The following LYPD6 variants were observed in gnomAD, a reference collection of about 807,000 sequenced individuals.
The protein encoded by LYPD6 is ly6/PLAUR domain-containing protein 6.
A neutral mutation model predicts 22.7 loss-of-function variants in LYPD6; 15 were observed. That is an observed-to-expected ratio of 0.66 (90% CI 0.44 to 1.02). The LOEUF (loss-of-function observed/expected upper bound fraction) is 1.02, where lower values mean the gene tolerates loss of function less well. Among genes scored for constraint, LYPD6 ranks in the 50% least tolerant of loss-of-function variants. The pLI is 0.00. For synonymous variants in LYPD6, 72 were observed against 77.5 expected, an observed-to-expected ratio of 0.93 and a Z score of 0.37; for missense variants, 189 against 208.4, an observed-to-expected ratio of 0.91 and a Z score of 0.57.
chr2:149,400,538 CAT>C (rs915248441), intron 1 of LYPD6, among the ~76,000 whole-genome samples: 3 of 152,160 alleles, frequency 2.0e-5, no homozygotes, highest in East Asian at 1.9e-4. Context: ...ATTATATAGT[CAT>C]GTGAACTTTT....
chr2:149,408,538 C>T lies in LYPD6; in HGVS notation c.-71-29100C>T, dbSNP rs1383849814. Among the ~76,000 whole-genome samples, 9 of 152,124 alleles carry T rather than the reference C, an allele frequency of 5.9e-5. No homozygotes were observed. In the East Asian group the frequency reaches 7.7e-4, roughly 13 times the overall value. On this transcript the variant is annotated intron_variant, in intron 1 of 4. Transcript: ENST00000334166. ...TTAGACTTCTCTTCTTCCTTGGGAACGCCTATTACTCTTAGAGTTGGACAT... is the reference window on the plus strand; with the variant it reads ...TTAGACTTCTCTTCTTCCTTGGGAATGCCTATTACTCTTAGAGTTGGACAT...
At chr2:149,411,050 G>C (rs1030510467) in intron 1 of LYPD6, among the ~76,000 whole-genome samples, 2 of 152,180 alleles carry the variant, frequency 1.3e-5, no homozygotes, top group Non-Finnish European at 2.9e-5. Context: ...ACAGTGGAAT[G>C]GTTGGTCTAA....
chr2:149,339,449 A>G (rs1017373460), intron 1 of LYPD6, among the ~76,000 whole-genome samples: 1 of 152,152 alleles, frequency 6.6e-6, no homozygotes, highest in Admixed American at 6.5e-5. Context: ...GCCCTCAGGG[A>G]AGCCCCAAGC....
intron 1 of LYPD6, among the ~76,000 whole-genome samples, chr2:149,360,418 A>G (rs1681549711): frequency 6.6e-6 from 1 of 152,164 alleles, no homozygotes; most frequent in African/African-American, 2.4e-5. Context: ...CTGTGGTTCA[A>G]ATGCCTCTGA....
intron 1 of LYPD6, among the ~76,000 whole-genome samples, chr2:149,407,368 A>C (rs1682740582): frequency 2.0e-5 from 3 of 152,184 alleles, no homozygotes; most frequent in Admixed American, 2.0e-4. Flanking sequence ...TTTCAGGTAT[A>C]CCAATCAGAC....
At chr2:149,458,070 C>A (rs1047441048) in intron 3 of LYPD6, among the ~76,000 whole-genome samples, 5 of 152,218 alleles carry the variant, frequency 3.3e-5, no homozygotes, top group African/African-American at 1.2e-4. Context: ...CAGCAAAACA[C>A]TATGGAAAAA....
chr2:149,447,198 C>A (rs1194328002), intron 2 of LYPD6, among the ~76,000 whole-genome samples: 1 of 152,164 alleles, frequency 6.6e-6, no homozygotes, highest in Admixed American at 6.5e-5. Flanking sequence ...GTAGTAAGGA[C>A]AAAGAACAGC....
chr2:149,386,008 C>CA (rs930182829), intron 1 of LYPD6, among the ~76,000 whole-genome samples: 1 of 152,090 alleles, frequency 6.6e-6, no homozygotes, highest in African/African-American at 2.4e-5. Flanking sequence ...GAATCCCCCC[C>CA]CAAGACCTGT....
chr2:149,337,916 G>C (rs554866484), intron 1 of LYPD6, among the ~76,000 whole-genome samples: 6 of 152,152 alleles, frequency 3.9e-5, no homozygotes, highest in Non-Finnish European at 8.8e-5. Flanking sequence ...AGTTCACTTA[G>C]GATAATGGCC....
At chr2:149,411,233 C>T (rs151033987) in intron 1 of LYPD6, among the ~76,000 whole-genome samples, 5 of 152,196 alleles carry the variant, frequency 3.3e-5, no homozygotes, top group East Asian at 1.9e-4. Context: ...CTGGCTAAGC[C>T]GTAAAATCAA....
Position 149,473,719 on chromosome 2 carries a change from T to C in LYPD6, c.*2869T>C, listed in dbSNP as rs1681396528. 6.6e-6 allele frequency: 1 copy of C among 152,218 alleles called. No individual in the cohort carries two copies. The highest frequency in any genetic ancestry group is 1.5e-5 in the Non-Finnish European group (1 of 68,052). 9.4% of individuals were successfully genotyped at this position (152,218 alleles called of 1,614,324 possible). ...CACTGGGCTTAGCACCACAGGGAACTTCCTTCCAGAGGCTTGCTTTCTAGT... is the reference window on the plus strand; with the variant it reads ...CACTGGGCTTAGCACCACAGGGAACCTCCTTCCAGAGGCTTGCTTTCTAGT... On this transcript the variant is annotated 3_prime_UTR_variant, in exon 5 of 5. Transcript: ENST00000334166.
intron 1 of LYPD6, among the ~76,000 whole-genome samples, chr2:149,388,700 A>G (rs1213865592): frequency 2.6e-5 from 4 of 152,142 alleles, no homozygotes; most frequent in African/African-American, 9.7e-5. Context: ...TCTTTTTTAC[A>G]AGATGATTAG....
intron 3 of LYPD6, among the ~76,000 whole-genome samples, chr2:149,462,117 G>A (rs1476161513): frequency 1.4e-5 from 2 of 141,036 alleles, no homozygotes; most frequent in Admixed American, 7.5e-5. Flanking sequence ...CTTTTTCACA[G>A]ACAACATGAT....
intron 1 of LYPD6, among the ~76,000 whole-genome samples, chr2:149,427,934 C>A (rs964210985): frequency 3.3e-5 from 5 of 152,218 alleles, no homozygotes; most frequent in African/African-American, 1.2e-4. Context: ...CAAATTGGGG[C>A]AAGACAGCTT....
At chr2:149,341,250 G>C (rs1681155148) in intron 1 of LYPD6, among the ~76,000 whole-genome samples, 1 of 152,054 alleles carries the variant, frequency 6.6e-6, no homozygotes, top group South Asian at 2.1e-4. Flanking sequence ...GTGTGTCCTT[G>C]GTCAGGGGTG....
rs201768735 is a variant in LYPD6 at position 149,401,246 on chromosome 2, A to G, written c.-71-36392A>G. Among the ~76,000 whole-genome samples the G allele has an allele frequency of 2.6e-5, 4 of 152,076 alleles. No homozygotes were observed. The East Asian group carries it at 7.7e-4, about 29-fold the overall frequency. On this transcript the variant is annotated intron_variant, in intron 1 of 4. Transcript: ENST00000334166. ...ATCCAGTGGTTTCCACTTACATCTCATTGGTCAGGAATGCACCACATGACC... is the reference window on the plus strand; with the variant it reads ...ATCCAGTGGTTTCCACTTACATCTCGTTGGTCAGGAATGCACCACATGACC...
intron 2 of LYPD6, among the ~76,000 whole-genome samples, chr2:149,448,228 G>C (rs565394255): frequency 2.0e-5 from 3 of 152,188 alleles, no homozygotes; most frequent in East Asian, 3.9e-4. Context: ...AGGAGATGGA[G>C]GTTGCCATGA....
downstream of LYPD6, among the ~76,000 whole-genome samples, chr2:149,478,183 A>G (rs547829659): frequency 6.6e-6 from 1 of 152,226 alleles, no homozygotes; most frequent in East Asian, 1.9e-4. Context: ...AATTTTAAAG[A>G]CAGTGGGACA....
intron 1 of LYPD6, among the ~76,000 whole-genome samples, chr2:149,349,858 C>T (rs936840146): frequency 5.3e-5 from 8 of 152,152 alleles, no homozygotes; most frequent in African/African-American, 1.4e-4. Context: ...ATTTCATGCT[C>T]CAAAGTAACT....
Sources: allele counts gnomAD v4.1 joint callset (sites outside exome capture counted in the v4.1 genomes callset), GRCh38; gene constraint gnomAD v4.1.1; transcripts MANE v1.5; gene names NCBI Gene and HGNC (gene_info 2026-07-23, HGNC 2026-07-21).